Variants in GPD2 observed in about 807,000 individuals in gnomAD.
The protein encoded by GPD2 is glycerol-3-phosphate dehydrogenase 2, also known as glycerol-3-phosphate dehydrogenase, mitochondrial.
Under a neutral mutation model 82.4 loss-of-function variants are expected in GPD2, and 54 were observed. The ratio of observed to expected loss-of-function variants is 0.66; its 90% CI spans 0.53 to 0.82. The LOEUF (loss-of-function observed/expected upper bound fraction) is 0.82, where lower values mean the gene tolerates loss of function less well. GPD2 is among the 40% of genes least tolerant of loss of function. The pLI, the probability that GPD2 is intolerant of heterozygous loss-of-function variation, is 0.00. For missense variants in GPD2, 748 were observed against 896.2 expected, an observed-to-expected ratio of 0.83 and a Z score of 2.11; for synonymous variants, 288 against 306.1, an observed-to-expected ratio of 0.94 and a Z score of 0.62.
chr2:156,413,864 A>G, the GPD2 span, among the ~76,000 whole-genome samples: 3 of 152,248 alleles, frequency 2.0e-5, no homozygotes, highest in Admixed American at 6.5e-5. Context: ...AGATCGTGCC[A>G]TTGACCTCCA....
intron 1 of GPD2, among the ~76,000 whole-genome samples, chr2:156,462,774 T>G (rs1050455431): frequency 2.0e-5 from 3 of 152,204 alleles, no homozygotes; most frequent in Non-Finnish European, 4.4e-5. Context: ...GTGTTAAAAT[T>G]CTAGTAAGTA....
the GPD2 span, among the ~76,000 whole-genome samples, chr2:156,413,773 G>A: frequency 1.4e-5 from 2 of 141,410 alleles, no homozygotes; most frequent in African/African-American, 2.7e-5. Context: ...GCGTGGTGGC[G>A]CATGCCTGTA....
intron 2 of GPD2, 28 bp from the exon 3 acceptor site, chr2:156,496,016 A>G (rs781674686): frequency 1.3e-5 from 21 of 1,580,542 alleles, no homozygotes; most frequent in Non-Finnish European, 1.6e-5. Context: ...CCAAATGGAC[A>G]ACTGAAAGTG....
intron 2 of GPD2, among the ~76,000 whole-genome samples, chr2:156,484,997 A>G (rs1350857817): frequency 1.3e-5 from 2 of 152,214 alleles, no homozygotes; most frequent in East Asian, 3.8e-4. Context: ...TCTCATGTAT[A>G]AGTGAGATCA....
chr2:156,544,227 TACTCA>T (rs1686438274), intron 6 of GPD2, among the ~76,000 whole-genome samples: 1 of 152,190 alleles, frequency 6.6e-6, no homozygotes, highest in Admixed American at 6.5e-5. Context: ...CTCAGGGGGC[TACTCA>T]ACATTTGCTG....
intron 1 of GPD2, among the ~76,000 whole-genome samples, chr2:156,460,315 A>G (rs956090270): frequency 6.6e-6 from 1 of 152,176 alleles, no homozygotes; most frequent in Non-Finnish European, 1.5e-5. Context: ...ATTGAAATGC[A>G]TGGCCCTTTA....
intron 3 of GPD2, among the ~76,000 whole-genome samples, chr2:156,508,361 T>G (rs1263036947): frequency 6.6e-6 from 1 of 152,078 alleles, no homozygotes; most frequent in Non-Finnish European, 1.5e-5. Flanking sequence ...CAGTCTTTAA[T>G]GACCTAATCA....
chr2:156,557,372 CCTT>C lies in GPD2; in HGVS notation c.972-13_972-11del, dbSNP rs1558959956. On this transcript the variant is annotated splice_polypyrimidine_tract_variant and intron_variant, in intron 8 of 16. Coordinates refer to ENST00000438166, the MANE Select transcript of GPD2 (RefSeq NM_000408.5). Reference sequence around the variant, plus strand: ...TCTGGGATTTTCAGAAATAAATAATCCTTCTTTGTATCTCAGCCCAGAGAGCAT... The same window carrying C: ...TCTGGGATTTTCAGAAATAAATAATCCTTTGTATCTCAGCCCAGAGAGCAT... The C allele has an allele frequency of 6.7e-6, 10 of 1,500,978 alleles. No homozygotes were observed. The highest frequency in any genetic ancestry group is 9.3e-6 in the Non-Finnish European group (10 of 1,078,486). The allele number at this position is 1,500,978 out of a possible 1,614,324, so 93.0% of individuals were successfully genotyped here.
At chr2:156,517,417 T>G (rs1176150516) in intron 6 of GPD2, among the ~76,000 whole-genome samples, 1 of 152,240 alleles carries the variant, frequency 6.6e-6, no homozygotes, top group Non-Finnish European at 1.5e-5. Flanking sequence ...CTCAAATTTC[T>G]CAGTGAAATC....
At chr2:156,578,812 A>C (rs1413961309) in intron 13 of GPD2, 77 bp from the exon 14 acceptor site, 1 of 854,748 alleles carries the variant, frequency 1.2e-6, no homozygotes, top group East Asian at 2.4e-5. Context: ...CATTTTCTGA[A>C]GATCAACAGT....
At chr2:156,503,932 C>T (rs952555000) in intron 3 of GPD2, among the ~76,000 whole-genome samples, 5 of 151,962 alleles carry the variant, frequency 3.3e-5, no homozygotes, top group South Asian at 2.1e-4. Context: ...AAAAATAAAA[C>T]GCAACAGCAG....
chr2:156,452,900 G>C (rs890113856), intron 1 of GPD2, among the ~76,000 whole-genome samples: 3 of 152,146 alleles, frequency 2.0e-5, no homozygotes, highest in African/African-American at 2.4e-5. Flanking sequence ...AGGTGGATAA[G>C]TCATCATTTG....
chr2:156,514,129 CTT>C (rs5835618), intron 6 of GPD2, among the ~76,000 whole-genome samples: 41,712 of 141,660 alleles, frequency 0.29, 6,076 homozygotes, highest in East Asian at 0.58. Context: ...AATGTTCATT[CTT>C]TTTTTTTTTT....
At chr2:156,570,732 A>T (rs545432889) in intron 12 of GPD2, among the ~76,000 whole-genome samples, 1 of 152,176 alleles carries the variant, frequency 6.6e-6, no homozygotes, top group African/African-American at 2.4e-5. Context: ...AAGACAAAAA[A>T]CTATACAGAC....
At chr2:156,488,709 A>G (rs1189982982) in intron 2 of GPD2, among the ~76,000 whole-genome samples, 1 of 151,922 alleles carries the variant, frequency 6.6e-6, no homozygotes, top group Non-Finnish European at 1.5e-5. Context: ...GTTCTCTGGG[A>G]TGTAAACTAT....
chr2:156,449,537 A>G (rs938156072), intron 1 of GPD2, among the ~76,000 whole-genome samples: 14 of 152,172 alleles, frequency 9.2e-5, no homozygotes, highest in African/African-American at 3.4e-4. Flanking sequence ...GTAATATGCA[A>G]TATTTTTTCA....
At chr2:156,478,164 C>T (rs1683581730) in intron 2 of GPD2, among the ~76,000 whole-genome samples, 1 of 152,050 alleles carries the variant, frequency 6.6e-6, no homozygotes, top group South Asian at 2.1e-4. Context: ...ACTCTGGCCC[C>T]AAGCAGTCAA....
At chr2:156,524,692 T>G (rs2105294071) in intron 6 of GPD2, among the ~76,000 whole-genome samples, 1 of 152,226 alleles carries the variant, frequency 6.6e-6, no homozygotes, top group African/African-American at 2.4e-5. Flanking sequence ...TTAATTAAAG[T>G]AAATCACAAA....
At chr2:156,441,394 A>G (rs977620342) in intron 1 of GPD2, among the ~76,000 whole-genome samples, 3 of 152,078 alleles carry the variant, frequency 2.0e-5, no homozygotes, top group Non-Finnish European at 2.9e-5. Context: ...TCTACAAAAA[A>G]TTAAAAAAGA....
Sources: allele counts gnomAD v4.1 joint callset (sites outside exome capture counted in the v4.1 genomes callset), GRCh38; gene constraint gnomAD v4.1.1; transcripts MANE v1.5; gene names NCBI Gene and HGNC (gene_info 2026-07-23, HGNC 2026-07-21).